The following DTL variants were observed in gnomAD, a reference collection of about 807,000 sequenced individuals.
DTL encodes denticleless E3 ubiquitin protein ligase adapter, also known as denticleless protein homolog.
A neutral mutation model predicts 87.0 loss-of-function variants in DTL; 46 were observed. That is an observed-to-expected ratio of 0.53 (90% confidence interval 0.42 to 0.68). The LOEUF (loss-of-function observed/expected upper bound fraction) is 0.68. Ranked by LOEUF, DTL falls within the 30% of genes least tolerant of loss-of-function variation. DTL has a pLI of 0.00. For missense variants in DTL, 737 were observed against 869.4 expected, an observed-to-expected ratio of 0.85 and a Z score of 1.91; for synonymous variants, 308 against 311.2, an observed-to-expected ratio of 0.99 and a Z score of 0.11.
At chr1:212,098,406 G>A (rs1655511225) in intron 13 of DTL, among the ~76,000 whole-genome samples, 1 of 152,166 alleles carries the variant, frequency 6.6e-6, no homozygotes, top group South Asian at 2.1e-4. Flanking sequence ...TAGTATAGCG[G>A]GGGATATAAG....
intron 8 of DTL, among the ~76,000 whole-genome samples, chr1:212,067,488 TCCTATTATATCTCTC>T (rs1036111292): frequency 1.2e-4 from 18 of 152,328 alleles, no homozygotes; most frequent in African/African-American, 4.1e-4. Flanking sequence ...TAAGTTTCCT[TCCTATTATATCTCTC>T]AAGGCATCCT....
At chr1:212,077,668 T>A (rs942964683) in intron 11 of DTL, 1 of 153,922 alleles carries the variant, frequency 6.5e-6, no homozygotes, top group Non-Finnish European at 1.5e-5. Context: ...ACCATCATCT[T>A]GTCCGAAGAG....
intron 12 of DTL, chr1:212,080,345 TTTAGA>T (rs1369204472): frequency 3.1e-5 from 8 of 256,412 alleles, no homozygotes; most frequent in Admixed American, 1.5e-4. Context: ...GAGCCAGAAC[TTTAGA>T]TTAGATAAGA....
Position 212,088,634 on chromosome 1 carries a change from G to A in DTL, c.1261+7884G>A, listed in dbSNP as rs765640321. Among the ~76,000 whole-genome samples, 69 of 152,236 alleles carry A rather than the reference G, an allele frequency of 4.5e-4. 2 individuals are homozygous for A. Among genetic ancestry groups the A allele is most frequent in the Admixed American group, 7.2e-4 (11 of 15,288 alleles). ...ATGAGAAGAATTTCTGCCTGGCAAAGGAGGAGCTGACTTGGCAAGAAAACC... is the reference window on the plus strand; with the variant it reads ...ATGAGAAGAATTTCTGCCTGGCAAAAGAGGAGCTGACTTGGCAAGAAAACC... On this transcript the variant is annotated intron_variant, in intron 13 of 14. Coordinates refer to ENST00000366991, the MANE Select transcript of DTL (RefSeq NM_016448.4).
intron 11 of DTL, among the ~76,000 whole-genome samples, chr1:212,074,775 G>C (rs1272785012): frequency 6.6e-6 from 1 of 151,974 alleles, no homozygotes; most frequent in African/African-American, 2.4e-5. Flanking sequence ...TTTTTTCTAT[G>C]CTAAAAAGCC....
intron 5 of DTL, among the ~76,000 whole-genome samples, chr1:212,062,011 C>CAGCA (rs1261625858): frequency 1.3e-5 from 2 of 152,104 alleles, no homozygotes; most frequent in Non-Finnish European, 2.9e-5. Flanking sequence ...AAAATGTTCC[C>CAGCA]AGCACATAGA....
At chr1:212,042,936 A>T (rs1667699082) in intron 1 of DTL, 57 bp from the exon 2 acceptor site, 2 of 1,498,430 alleles carry the variant, frequency 1.3e-6, no homozygotes, top group Non-Finnish European at 1.8e-6. Flanking sequence ...TGAATTTGTT[A>T]AAAATGCTGA....
intron 1 of DTL, among the ~76,000 whole-genome samples, chr1:212,037,339 C>T (rs1459886979): frequency 2.0e-5 from 3 of 152,210 alleles, no homozygotes; most frequent in Non-Finnish European, 4.4e-5. Flanking sequence ...AGAATCATCT[C>T]CTTTCCTCTT....
At chr1:212,086,841 C>T (rs1437373570) in intron 13 of DTL, among the ~76,000 whole-genome samples, 1 of 152,170 alleles carries the variant, frequency 6.6e-6, no homozygotes, top group Non-Finnish European at 1.5e-5. Flanking sequence ...AATTTAGGGT[C>T]CCCCTTCCCA....
chr1:212,066,824 AGTGTTACT>A lies in DTL; in HGVS notation c.656_663del (p.Val219GlyfsTer26). The stretch of plus-strand genomic sequence containing the variant: ...CTTGTGCTATCAGGATTTCCAGCAA[AGTGTTACT>A]GTGGTCCTCTTTCAAGACGAGAATA... On this transcript the variant is annotated frameshift_variant, in exon 8 of 15. Coordinates refer to ENST00000366991, the MANE Select transcript of DTL (RefSeq NM_016448.4). LOFTEE classifies it high-confidence loss of function. 1 of 1,613,828 alleles carries A rather than the reference AGTGTTACT, an allele frequency of 6.2e-7. No individual in the cohort carries two copies. Among genetic ancestry groups the A allele is most frequent in the Non-Finnish European group, 8.5e-7 (1 of 1,179,750 alleles).
Position 212,103,298 on chromosome 1 carries a change from C to A in DTL, c.*358C>A, listed in dbSNP as rs1655677042. On this transcript the variant is annotated 3_prime_UTR_variant, in exon 15 of 15. Transcript: ENST00000366991. Reference sequence around the variant, plus strand: ...AAGTTTCTTGTTATCCTGAAACTTTCTATGCTCAGTGGAAAGTATCTGCCA... The same window carrying A: ...AAGTTTCTTGTTATCCTGAAACTTTATATGCTCAGTGGAAAGTATCTGCCA... 6.4e-6 allele frequency: 1 copy of A among 155,870 alleles called. No homozygotes were observed. Among genetic ancestry groups the A allele is most frequent in the African/African-American group, 2.4e-5 (1 of 41,516 alleles). The allele number at this position is 155,870 out of a possible 1,614,324, so 9.7% of individuals were successfully genotyped here.
At chr1:212,056,573 C>G (rs987902478) in intron 5 of DTL, among the ~76,000 whole-genome samples, 1 of 151,980 alleles carries the variant, frequency 6.6e-6, no homozygotes, top group Non-Finnish European at 1.5e-5. Flanking sequence ...CATAAAAACA[C>G]AGAGAAATCA....
intron 5 of DTL, among the ~76,000 whole-genome samples, chr1:212,047,814 G>A (rs116384663): frequency 0.058 from 8,761 of 152,268 alleles, 280 homozygotes; most frequent in Non-Finnish European, 0.074. Context: ...AGGATCACAG[G>A]CGTGAGCCGC....
At chr1:212,094,509 T>C (rs115961529) in intron 13 of DTL, among the ~76,000 whole-genome samples, 1,686 of 152,340 alleles carry the variant, frequency 0.011, 31 homozygotes, top group African/African-American at 0.038. Context: ...TATAGCCTTG[T>C]AGTGTAGTTT....
At chr1:212,052,601 C>T (rs146926938) in intron 5 of DTL, among the ~76,000 whole-genome samples, 1,673 of 148,642 alleles carry the variant, frequency 0.011, 14 homozygotes, top group Middle Eastern at 0.042. Context: ...CGCACCACTG[C>T]ACTCCACACT....
intron 12 of DTL, among the ~76,000 whole-genome samples, chr1:212,079,452 A>C (rs538738116): frequency 8.3e-4 from 126 of 152,250 alleles, no homozygotes; most frequent in Middle Eastern, 3.4e-3. Context: ...TTTAAGTCTT[A>C]AAAATAATTT....
At chr1:212,049,255 T>C (rs899743379) in intron 5 of DTL, among the ~76,000 whole-genome samples, 1 of 152,160 alleles carries the variant, frequency 6.6e-6, no homozygotes, top group Admixed American at 6.6e-5. Context: ...CGGTTTTAAT[T>C]TACTGTGGTT....
chr1:212,054,233 C>T (rs1274846005), intron 5 of DTL, among the ~76,000 whole-genome samples: 2 of 152,118 alleles, frequency 1.3e-5, no homozygotes, highest in African/African-American at 4.8e-5. Context: ...GGTTCCCTTT[C>T]TCTAGCTGTC....
At chr1:212,071,499 G>C (rs1044627337) in intron 10 of DTL, among the ~76,000 whole-genome samples, 4 of 152,076 alleles carry the variant, frequency 2.6e-5, no homozygotes, top group Non-Finnish European at 5.9e-5. Context: ...CCACCATTCA[G>C]TCTACTCAAA....
Sources: allele counts gnomAD v4.1 joint callset (sites outside exome capture counted in the v4.1 genomes callset), GRCh38; gene constraint gnomAD v4.1.1; transcripts MANE v1.5; gene names NCBI Gene and HGNC (gene_info 2026-07-23, HGNC 2026-07-21).